The following TCF12 variants were observed in gnomAD, a reference collection of about 807,000 sequenced individuals.
TCF12 encodes transcription factor 12, also known as DNA-binding protein HTF4.
Under a neutral mutation model 86.0 loss-of-function variants are expected in TCF12, and 45 were observed. The observed-to-expected ratio is 0.52, with a 90% confidence interval of 0.41 to 0.67. The LOEUF (loss-of-function observed/expected upper bound fraction) is 0.67, where lower values mean the gene tolerates loss of function less well. TCF12 is among the 30% of genes least tolerant of loss of function. The probability of loss-of-function intolerance (pLI) is 0.00; values close to 1 mark genes in which losing one functional copy is unlikely to be tolerated. For missense variants in TCF12, 881 were observed against 859.9 expected, an observed-to-expected ratio of 1.02 and a Z score of -0.31; for synonymous variants, 330 against 299.6, an observed-to-expected ratio of 1.10 and a Z score of -1.05.
intron 4 of TCF12, among the ~76,000 whole-genome samples, chr15:57,085,008 T>C (rs930432646): frequency 2.6e-5 from 4 of 152,222 alleles, no homozygotes; most frequent in Non-Finnish European, 4.4e-5. Context: ...GCATCTCATG[T>C]ATCCAGCATA....
chr15:56,924,514 T>C (rs1416282297), intron 3 of TCF12, among the ~76,000 whole-genome samples: 2 of 152,204 alleles, frequency 1.3e-5, no homozygotes, highest in African/African-American at 2.4e-5. Flanking sequence ...ATGGTGATTT[T>C]AGAGAGGAAA....
intron 4 of TCF12, among the ~76,000 whole-genome samples, chr15:57,072,351 A>G (rs1264749728): frequency 6.6e-6 from 1 of 152,192 alleles, no homozygotes; most frequent in Non-Finnish European, 1.5e-5. Context: ...GTTGTATTAA[A>G]ACAGATTGTT....
chr15:56,937,583 T>C (rs1031326290), intron 3 of TCF12, among the ~76,000 whole-genome samples: 1 of 151,960 alleles, frequency 6.6e-6, no homozygotes, highest in Non-Finnish European at 1.5e-5. Context: ...TAGGACTATA[T>C]TGAATAGAAG....
intron 3 of TCF12, among the ~76,000 whole-genome samples, chr15:56,956,573 G>A (rs2061513399): frequency 6.6e-6 from 1 of 152,088 alleles, no homozygotes; most frequent in Admixed American, 6.5e-5. Context: ...GTAGTGATCT[G>A]CTGGTAATGA....
intron 8 of TCF12, among the ~76,000 whole-genome samples, chr15:57,220,408 C>A (rs771739879): frequency 2.6e-5 from 4 of 152,030 alleles, no homozygotes; most frequent in Non-Finnish European, 5.9e-5. Flanking sequence ...AGTTTCAGGT[C>A]CAGAGCCTGA....
intron 8 of TCF12, among the ~76,000 whole-genome samples, chr15:57,209,980 A>T (rs1178949098): frequency 1.3e-5 from 2 of 152,170 alleles, no homozygotes; most frequent in African/African-American, 4.8e-5. Context: ...GTCATATCAC[A>T]CTGTCAATGA....
chr15:57,188,851 T>C (rs2593237), intron 6 of TCF12, among the ~76,000 whole-genome samples: 63,213 of 152,130 alleles, frequency 0.42, 14,893 homozygotes, highest in Non-Finnish European at 0.53. Context: ...TGCAGTGGCA[T>C]TATCATAGTT....
intron 4 of TCF12, among the ~76,000 whole-genome samples, chr15:57,081,199 C>G (rs1284451569): frequency 6.6e-6 from 1 of 152,136 alleles, no homozygotes; most frequent in Non-Finnish European, 1.5e-5. Flanking sequence ...TTATGAATTA[C>G]TGTTTGAACA....
intron 5 of TCF12, among the ~76,000 whole-genome samples, chr15:57,120,589 A>T (rs533044913): frequency 6.6e-6 from 1 of 152,322 alleles, no homozygotes; most frequent in East Asian, 1.9e-4. Context: ...CTTCTTGAAG[A>T]ATAAAATTTT....
rs1284391928 is a variant in TCF12, at chr15:57,033,542, C to CT, written c.149-30199dup. On this transcript the variant is annotated intron_variant, in intron 3 of 20. Transcript: ENST00000333725. Reference sequence around the variant, plus strand: ...GTGAGTAGTGGTGGCAAGATACTGACTTTTTTTTTAGAGCAATTCTTGGTA... The same window carrying CT: ...GTGAGTAGTGGTGGCAAGATACTGACTTTTTTTTTTAGAGCAATTCTTGGTA... Among the ~76,000 whole-genome samples, 18 of 151,314 alleles carry CT rather than the reference C, an allele frequency of 1.2e-4. 1 individual carries two copies. The highest frequency in any genetic ancestry group is 2.1e-4 in the South Asian group (1 of 4,774).
intron 3 of TCF12, among the ~76,000 whole-genome samples, chr15:57,003,528 A>G (rs543113252): frequency 6.6e-6 from 1 of 152,204 alleles, no homozygotes; most frequent in Non-Finnish European, 1.5e-5. Context: ...TGAAATAGTG[A>G]AATCATCAAC....
At chr15:57,003,639 T>C (rs2064179382) in intron 3 of TCF12, among the ~76,000 whole-genome samples, 1 of 152,250 alleles carries the variant, frequency 6.6e-6, no homozygotes. Flanking sequence ...CGTTGTCTGC[T>C]GGGAATGTGC....
At chr15:57,119,990 T>A (rs748976201) in intron 5 of TCF12, among the ~76,000 whole-genome samples, 1 of 152,252 alleles carries the variant, frequency 6.6e-6, no homozygotes, top group Non-Finnish European at 1.5e-5. Flanking sequence ...ACTATTTACC[T>A]GCTTATAATT....
chr15:57,236,669 T>C (rs1419774378), intron 12 of TCF12, among the ~76,000 whole-genome samples: 1 of 152,156 alleles, frequency 6.6e-6, no homozygotes, highest in Non-Finnish European at 1.5e-5. Flanking sequence ...CAGAATACTG[T>C]GTGATTAAAC....
At chr15:57,010,612 A>G (rs1323124958) in intron 3 of TCF12, among the ~76,000 whole-genome samples, 1 of 152,132 alleles carries the variant, frequency 6.6e-6, no homozygotes, top group Non-Finnish European at 1.5e-5. Context: ...TATGAAGGGA[A>G]GCTTTTTTCC....
At chr15:57,132,240 G>A (rs2052182700) in intron 5 of TCF12, among the ~76,000 whole-genome samples, 1 of 152,086 alleles carries the variant, frequency 6.6e-6, no homozygotes, top group Non-Finnish European at 1.5e-5. Context: ...TGTTGTAGTG[G>A]GCGTATTTTC....
chr15:57,064,066 A>G (rs2068662814), intron 4 of TCF12, among the ~76,000 whole-genome samples: 1 of 152,202 alleles, frequency 6.6e-6, no homozygotes, highest in African/African-American at 2.4e-5. Flanking sequence ...ACAGTACTCT[A>G]CTAAAGAGCT....
At position 57,077,325 on chromosome 15, in the gene TCF12, A is replaced by ATG. The variant is rs777718984; in HGVS notation, c.222+13503_222+13504insGT. On this transcript the variant is annotated intron_variant, in intron 4 of 20. Transcript: ENST00000333725. ...ATTTACTTTCCATATATATGTATAT[A>ATG]TATGTGTGTGTGTGTGTGTGTGTGT... 2.5e-3 allele frequency among the ~76,000 whole-genome samples: 313 copies of ATG among 127,284 alleles called. 21 individuals carry two copies. Among genetic ancestry groups the ATG allele is most frequent in the Non-Finnish European group, 3.7e-3 (231 of 62,614 alleles). The allele number at this position is 127,284 out of a possible 152,430, so 83.5% of individuals were successfully genotyped here.
chr15:57,249,246 T>C (rs1341559872), intron 13 of TCF12, among the ~76,000 whole-genome samples: 1 of 152,200 alleles, frequency 6.6e-6, no homozygotes, highest in Non-Finnish European at 1.5e-5. Flanking sequence ...TGAGATTTTC[T>C]GGTTGATTAA....
Sources: allele counts gnomAD v4.1 joint callset (sites outside exome capture counted in the v4.1 genomes callset), GRCh38; gene constraint gnomAD v4.1.1; transcripts MANE v1.5; gene names NCBI Gene and HGNC (gene_info 2026-07-23, HGNC 2026-07-21).